Variants in TENM2 observed in about 807,000 individuals in gnomAD.
The protein encoded by TENM2 is teneurin transmembrane protein 2, also known as teneurin-2.
TENM2 carries 52 observed loss-of-function variants against 245.2 expected under a neutral mutation model. The observed-to-expected ratio is 0.21, with a 90% CI of 0.17 to 0.27. TENM2 has a LOEUF of 0.27. Ranked by LOEUF, TENM2 falls within the 10% of genes least tolerant of loss-of-function variation. The pLI, the probability that TENM2 is intolerant of heterozygous loss-of-function variation, is 1.00. For synonymous variants in TENM2, 1,363 were observed against 1,438.9 expected, an observed-to-expected ratio of 0.95 and a Z score of 1.19; for missense variants, 3,046 against 3,666.8, an observed-to-expected ratio of 0.83 and a Z score of 4.37.
chr5:167,206,971 T>C, the TENM2 span, among the ~76,000 whole-genome samples: 1 of 151,902 alleles, frequency 6.6e-6, no homozygotes, highest in East Asian at 1.9e-4. Flanking sequence ...AGATTTAAAA[T>C]AAGACAATTT....
intron 3 of TENM2, among the ~76,000 whole-genome samples, chr5:167,929,989 T>G (rs149195271): frequency 1.3e-5 from 2 of 152,366 alleles, no homozygotes; most frequent in African/African-American, 2.4e-5. Flanking sequence ...GACAACACTG[T>G]TATCTTGCCA....
At chr5:168,006,045 T>G (rs1784795879) in intron 5 of TENM2, among the ~76,000 whole-genome samples, 1 of 152,194 alleles carries the variant, frequency 6.6e-6, no homozygotes, top group South Asian at 2.1e-4. Flanking sequence ...CATCACTGGC[T>G]TCGTGAAAAA....
intron 1 of TENM2, among the ~76,000 whole-genome samples, chr5:167,304,135 C>T (rs1755523451): frequency 6.6e-6 from 1 of 152,168 alleles, no homozygotes; most frequent in Non-Finnish European, 1.5e-5. Flanking sequence ...AAGTTAGCAG[C>T]TGTGGGACTT....
At chr5:167,763,320 C>T (rs1292914301) in intron 2 of TENM2, among the ~76,000 whole-genome samples, 1 of 152,158 alleles carries the variant, frequency 6.6e-6, no homozygotes, top group African/African-American at 2.4e-5. Flanking sequence ...TACCAACAGG[C>T]TTTTCCCAGT....
At chr5:167,326,875 G>C (rs1001210512) in intron 1 of TENM2, among the ~76,000 whole-genome samples, 5 of 151,566 alleles carry the variant, frequency 3.3e-5, no homozygotes, top group African/African-American at 4.8e-5. Context: ...TGAAGAAATA[G>C]TTTCTGTCTC....
chr5:167,997,062 T>C (rs1784104380), intron 5 of TENM2, among the ~76,000 whole-genome samples: 2 of 152,174 alleles, frequency 1.3e-5, no homozygotes, highest in South Asian at 4.1e-4. Flanking sequence ...TTTATACAAC[T>C]ATTCAATTTG....
chr5:167,586,855 T>C (rs1775533755), intron 2 of TENM2, among the ~76,000 whole-genome samples: 1 of 115,654 alleles, frequency 8.6e-6, no homozygotes. Context: ...TTCACAAAAA[T>C]ATCTAAGTTG....
At chr5:167,313,424 G>C (rs79328529) in intron 1 of TENM2, among the ~76,000 whole-genome samples, 3,033 of 152,192 alleles carry the variant, frequency 0.02, 48 homozygotes, top group South Asian at 0.041. Flanking sequence ...GGTGGATCAC[G>C]AGCTCAGGAG....
At chr5:167,013,771 A>G in the TENM2 span, among the ~76,000 whole-genome samples, 4 of 152,144 alleles carry the variant, frequency 2.6e-5, no homozygotes, top group Admixed American at 6.6e-5. Context: ...GACTGAAGGA[A>G]AGGGGTAGGT....
chr5:167,835,734 A>G (rs1368260710), intron 2 of TENM2, among the ~76,000 whole-genome samples: 1 of 152,206 alleles, frequency 6.6e-6, no homozygotes, highest in Non-Finnish European at 1.5e-5. Context: ...AAAAAAAATC[A>G]AAAACCTTGG....
At chr5:167,323,705 TA>T (rs1581744452) in intron 1 of TENM2, among the ~76,000 whole-genome samples, 1 of 152,180 alleles carries the variant, frequency 6.6e-6, no homozygotes, top group East Asian at 1.9e-4. Context: ...TAAAATTTCA[TA>T]AAAATATAAG....
chr5:167,683,779 C>T (rs964096199), intron 2 of TENM2, among the ~76,000 whole-genome samples: 2 of 152,148 alleles, frequency 1.3e-5, no homozygotes, highest in Non-Finnish European at 2.9e-5. Context: ...CATAATAATG[C>T]TAATTTTAAT....
intron 2 of TENM2, among the ~76,000 whole-genome samples, chr5:167,711,181 C>T (rs1328566607): frequency 6.6e-6 from 1 of 152,108 alleles, no homozygotes; most frequent in African/African-American, 2.4e-5. Flanking sequence ...AGTAATCAAC[C>T]ACCAATCCAA....
intron 4 of TENM2, among the ~76,000 whole-genome samples, chr5:167,984,604 G>T (rs1452365005): frequency 6.6e-6 from 1 of 152,144 alleles, no homozygotes; most frequent in Non-Finnish European, 1.5e-5. Flanking sequence ...GCAGTGAGTG[G>T]AGATCAAGCC....
the TENM2 span, among the ~76,000 whole-genome samples, chr5:167,006,059 A>G: frequency 5.9e-5 from 9 of 152,156 alleles, no homozygotes; most frequent in African/African-American, 1.7e-4. Context: ...AGACCTTTCC[A>G]TGTAGACTAG....
intron 2 of TENM2, among the ~76,000 whole-genome samples, chr5:167,520,878 G>A (rs1770706121): frequency 6.7e-6 from 1 of 149,072 alleles, no homozygotes; most frequent in Admixed American, 6.7e-5. Flanking sequence ...CCCGGTACCA[G>A]TTCATATTCC....
intron 12 of TENM2, among the ~76,000 whole-genome samples, chr5:168,147,848 C>T (rs538548695): frequency 2.6e-5 from 4 of 152,296 alleles, no homozygotes; most frequent in Admixed American, 6.5e-5. Flanking sequence ...AATCAAGACA[C>T]ATTGCAGGGC....
At chr5:167,245,662 C>A in the TENM2 span, among the ~76,000 whole-genome samples, 3 of 151,940 alleles carry the variant, frequency 2.0e-5, no homozygotes, top group African/African-American at 4.8e-5. Flanking sequence ...GAACATCAAA[C>A]AATGGAAATG....
chr5:167,481,390 A>G (rs1767749656), intron 2 of TENM2, among the ~76,000 whole-genome samples: 1 of 152,206 alleles, frequency 6.6e-6, no homozygotes, highest in African/African-American at 2.4e-5. Context: ...CTGGAATAAT[A>G]TTTTGTAATA....
Sources: gnomAD v4.1 joint callset for allele counts (sites outside exome capture counted in the v4.1 genomes callset) on GRCh38, gnomAD v4.1.1 for gene constraint, MANE v1.5 for transcripts, NCBI Gene and HGNC (gene_info 2026-07-23, HGNC 2026-07-21) for gene names.